Variants in GALNT13 observed in about 807,000 individuals in gnomAD.
GALNT13 encodes the protein UDP-GalNAc:polypeptide N-acetylgalactosaminyltransferase 13.
Under a neutral mutation model 64.2 loss-of-function variants are expected in GALNT13, and 28 were observed. The ratio of observed to expected loss-of-function variants is 0.44; its 90% CI spans 0.32 to 0.60. The LOEUF (loss-of-function observed/expected upper bound fraction) is 0.60, where lower values mean the gene tolerates loss of function less well. GALNT13 is among the 20% of genes least tolerant of loss of function. The probability of loss-of-function intolerance (pLI) is 0.05; values close to 1 mark genes in which losing one functional copy is unlikely to be tolerated. For synonymous variants in GALNT13, 214 were observed against 224.6 expected (o/e 0.95, Z 0.42); for missense variants, 577 against 669.8 (o/e 0.86, Z 1.53).
intron 1 of GALNT13, among the ~76,000 whole-genome samples, chr2:153,883,227 A>T (rs999143412): frequency 3.3e-5 from 5 of 151,664 alleles, no homozygotes; most frequent in Admixed American, 2.6e-4. Flanking sequence ...AAAATTTGTG[A>T]TTTTAAATGG....
At chr2:153,766,436 T>A in the GALNT13 span, among the ~76,000 whole-genome samples, 1 of 152,174 alleles carries the variant, frequency 6.6e-6, no homozygotes. Flanking sequence ...AGCTATTATT[T>A]CTTTAAACAT....
chr2:153,700,190 A>T, the GALNT13 span, among the ~76,000 whole-genome samples: 1 of 152,218 alleles, frequency 6.6e-6, no homozygotes, highest in African/African-American at 2.4e-5. Context: ...CTGGTTCAAC[A>T]TATGCAAATC....
intron 4 of GALNT13, among the ~76,000 whole-genome samples, chr2:154,205,243 A>T (rs922030208): frequency 6.6e-6 from 1 of 152,214 alleles, no homozygotes; most frequent in African/African-American, 2.4e-5. Flanking sequence ...GAGTGGCTAA[A>T]GTAATGGTAT....
At chr2:154,016,123 C>G (rs865911702) in intron 3 of GALNT13, among the ~76,000 whole-genome samples, 1 of 152,134 alleles carries the variant, frequency 6.6e-6, no homozygotes, top group Non-Finnish European at 1.5e-5. Flanking sequence ...AGAAACATGA[C>G]CCCTTGATTG....
the GALNT13 span, among the ~76,000 whole-genome samples, chr2:153,262,748 A>G: frequency 3.9e-3 from 596 of 152,322 alleles, 4 homozygotes; most frequent in Middle Eastern, 0.017. Flanking sequence ...ATAAAGTTCA[A>G]CATCCTTTAT....
the GALNT13 span, among the ~76,000 whole-genome samples, chr2:153,168,072 TTC>T: frequency 6.6e-6 from 1 of 152,168 alleles, no homozygotes; most frequent in Non-Finnish European, 1.5e-5. Context: ...TTCCTAGCAT[TTC>T]TCTCTTTGGA....
chr2:153,647,672 C>A, the GALNT13 span, among the ~76,000 whole-genome samples: 11 of 152,144 alleles, frequency 7.2e-5, no homozygotes, highest in Admixed American at 1.3e-4. Context: ...CCAGTTTCAG[C>A]TTTCTACATA....
chr2:153,436,308 G>A, the GALNT13 span, among the ~76,000 whole-genome samples: 2 of 152,098 alleles, frequency 1.3e-5, no homozygotes, highest in Non-Finnish European at 2.9e-5. Flanking sequence ...TTGTGTTTCT[G>A]CCAGACTTTG....
the GALNT13 span, among the ~76,000 whole-genome samples, chr2:153,713,219 G>A: frequency 6.6e-6 from 1 of 152,068 alleles, no homozygotes; most frequent in African/African-American, 2.4e-5. Context: ...TTATTTTTTA[G>A]GTAAAAGATA....
At chr2:153,463,624 A>G in the GALNT13 span, among the ~76,000 whole-genome samples, 1 of 152,020 alleles carries the variant, frequency 6.6e-6, no homozygotes, top group Admixed American at 6.6e-5. Context: ...GCATGCTAGG[A>G]TCTTCTAGCA....
rs148176086 is a variant in GALNT13 at position 154,257,329 on chromosome 2, C to T, written c.858-1692C>T. ...CAGTAAGTAGATAAGTAGATGGGCACTCTGAACTGATTATTAAAAATGCAT... is the reference window on the plus strand; with the variant it reads ...CAGTAAGTAGATAAGTAGATGGGCATTCTGAACTGATTATTAAAAATGCAT... On this transcript the variant is annotated intron_variant, in intron 7 of 12. Coordinates refer to ENST00000392825, the MANE Select transcript of GALNT13 (RefSeq NM_052917.4). Among the ~76,000 whole-genome samples the T allele has an allele frequency of 2.6e-3, 391 of 152,134 alleles. 3 individuals are homozygous for T. Among genetic ancestry groups the T allele is most frequent in the African/African-American group, 9.0e-3 (374 of 41,508 alleles).
chr2:153,378,635 A>C, the GALNT13 span, among the ~76,000 whole-genome samples: 1 of 152,282 alleles, frequency 6.6e-6, no homozygotes, highest in Non-Finnish European at 1.5e-5. Flanking sequence ...TCCAGAGGCC[A>C]AGAGTTAAGA....
chr2:153,158,128 A>G, the GALNT13 span, among the ~76,000 whole-genome samples: 2 of 152,302 alleles, frequency 1.3e-5, no homozygotes, highest in Middle Eastern at 6.8e-3. Flanking sequence ...AATTTTTTCT[A>G]GTTCAACAGA....
chr2:154,259,461 T>C (rs1371504802), intron 8 of GALNT13, among the ~76,000 whole-genome samples: 1 of 152,218 alleles, frequency 6.6e-6, no homozygotes, highest in Non-Finnish European at 1.5e-5. Flanking sequence ...TTTGTGTTTT[T>C]GAACTGAAAC....
At chr2:154,066,242 C>G (rs531894723) in intron 3 of GALNT13, among the ~76,000 whole-genome samples, 1 of 151,866 alleles carries the variant, frequency 6.6e-6, no homozygotes, top group African/African-American at 2.4e-5. Context: ...AAAATAGCCT[C>G]AGAAGGGCAA....
chr2:153,854,804 C>T, the GALNT13 span, among the ~76,000 whole-genome samples: 13 of 151,996 alleles, frequency 8.6e-5, no homozygotes, highest in South Asian at 2.1e-4. Context: ...GAAACTAACA[C>T]GCTGCCTCTA....
chr2:154,247,714 G>A (rs1461127858), intron 7 of GALNT13, among the ~76,000 whole-genome samples: 1 of 152,006 alleles, frequency 6.6e-6, no homozygotes, highest in Non-Finnish European at 1.5e-5. Flanking sequence ...TAATTTATGT[G>A]GTTGTATTGC....
At chr2:153,315,500 T>C in the GALNT13 span, among the ~76,000 whole-genome samples, 1 of 152,196 alleles carries the variant, frequency 6.6e-6, no homozygotes, top group Non-Finnish European at 1.5e-5. Context: ...AGCACAGTCC[T>C]AAATAAGAAT....
the GALNT13 span, chr2:153,371,144 A>G: frequency 1.3e-5 from 2 of 153,234 alleles, no homozygotes; most frequent in African/African-American, 2.4e-5. Flanking sequence ...TTTAACATCC[A>G]TTTATGATAT....
Sources: allele counts gnomAD v4.1 joint callset (sites outside exome capture counted in the v4.1 genomes callset), GRCh38; gene constraint gnomAD v4.1.1; transcripts MANE v1.5; gene names NCBI Gene and HGNC (gene_info 2026-07-23, HGNC 2026-07-21).